GCNT2: variants seen among roughly 807,000 people sequenced by gnomAD.
GCNT2 encodes the protein N-acetyllactosaminide beta-1,6-N-acetylglucosaminyl-transferase.
In GCNT2, 34 loss-of-function variants were observed where a neutral mutation model predicts 34.2. The ratio of observed to expected loss-of-function variants is 1.00; its 90% CI spans 0.76 to 1.32. The LOEUF (loss-of-function observed/expected upper bound fraction) is 1.32, where lower values mean the gene tolerates loss of function less well. Among genes scored for constraint, GCNT2 ranks in the 40% most tolerant of loss-of-function variants. The probability of loss-of-function intolerance (pLI) is 0.00; values close to 1 mark genes in which losing one functional copy is unlikely to be tolerated. For synonymous variants in GCNT2, 212 were observed against 188.0 expected (o/e 1.13, Z -1.04); for missense variants, 584 against 489.4 (o/e 1.19, Z -1.82).
intron 3 of GCNT2, among the ~76,000 whole-genome samples, chr6:10,571,387 A>T (rs1306253718): frequency 6.6e-6 from 1 of 152,106 alleles, no homozygotes; most frequent in African/African-American, 2.4e-5. Flanking sequence ...CGCTCTTGTT[A>T]CCCAGGCTGG....
In GCNT2 at chr6:10,586,279, T is replaced by C. The variant is rs1434520992; in HGVS notation, c.926-35072T>C. 5.0e-6 allele frequency: 8 copies of C among 1,614,076 alleles called. No homozygotes were observed. In the Admixed American group the frequency reaches 1.3e-4, roughly 27 times the overall value. The stretch of plus-strand genomic sequence containing the variant: ...TCGGAAGAAGAGGCTGCATTCCCTT[T>C]GGCCTATGTCATGGTCATCCATAAG... On this transcript the variant is annotated intron_variant, in intron 3 of 4. Transcript: ENST00000495262.
rs1764311235 is a variant in GCNT2 at position 10,585,703 on chromosome 6, A to ACTGGG, written c.926-35640_926-35636dup. On this transcript the variant is annotated intron_variant, in intron 3 of 4. Coordinates refer to ENST00000495262, the MANE Select transcript of GCNT2 (RefSeq NM_145649.5). ...AATGAGGAGGCTTCCTAGAGGCTGG[A>ACTGGG]CTGGGCTGGGCTTAGCTGAGCCTTT... The ACTGGG allele has an allele frequency of 2.6e-6, 3 of 1,171,312 alleles. No individual in the cohort carries two copies. The East Asian group carries it at 9.7e-5, about 38-fold the overall frequency. 72.6% of individuals were successfully genotyped at this position (1,171,312 alleles called of 1,614,324 possible). A position where few individuals can be genotyped will look rare whatever the true frequency, so the allele number is the denominator to read the frequency against.
intron 3 of GCNT2, among the ~76,000 whole-genome samples, chr6:10,563,410 A>G (rs13217333): frequency 0.24 from 36,374 of 152,040 alleles, 4,475 homozygotes; most frequent in East Asian, 0.32. Context: ...TAAGAAGGGG[A>G]CTGTTCCCAT....
chr6:10,582,363 AAT>A (rs1764137641), intron 3 of GCNT2, among the ~76,000 whole-genome samples: 1 of 113,514 alleles, frequency 8.8e-6, no homozygotes, highest in Admixed American at 1.1e-4. Flanking sequence ...TATTAAATAT[AAT>A]ATATACTATA....
chr6:10,563,772 AAAAAAATATATATATAT>A (rs1285356832), intron 3 of GCNT2, among the ~76,000 whole-genome samples: 81 of 59,130 alleles, frequency 1.4e-3, no homozygotes, highest in African/African-American at 5.2e-3. Flanking sequence ...AAAAAAAAAA[AAAAAAATATATATATAT>A]ATATATATAT....
chr6:10,605,258 C>G (rs1581474075), intron 3 of GCNT2, among the ~76,000 whole-genome samples: 1 of 143,676 alleles, frequency 7.0e-6, no homozygotes, highest in East Asian at 2.1e-4. Context: ...CTCTGCCACC[C>G]AGGCTGGAGT....
intron 3 of GCNT2, among the ~76,000 whole-genome samples, chr6:10,536,634 G>A (rs550031568): frequency 2.0e-5 from 3 of 151,686 alleles, no homozygotes; most frequent in East Asian, 1.9e-4. Context: ...GATTATAGGC[G>A]TGAGCTACCG....
intron 3 of GCNT2, among the ~76,000 whole-genome samples, chr6:10,543,966 G>C (rs1016024219): frequency 1.3e-5 from 2 of 152,074 alleles, no homozygotes; most frequent in Non-Finnish European, 2.9e-5. Flanking sequence ...TGTTAGTTTA[G>C]GTCTGTAACT....
At chr6:10,556,846 A>C in intron 3 of GCNT2, 1 of 1,614,162 alleles carries the variant, frequency 6.2e-7, no homozygotes, top group Non-Finnish European at 8.5e-7. Flanking sequence ...TAGAGCAACT[A>C]TTAAGCTGCT....
chr6:10,615,921 C>G lies in GCNT2; in HGVS notation c.926-5430C>G, dbSNP rs115048383. ...TTTTGGGCGGCTCCTTTACTGCAAA[C>G]TGTTTATATCAGCAAGGTCTTTATG... On this transcript the variant is annotated intron_variant, in intron 3 of 4. Transcript: ENST00000495262. 5.6e-3 allele frequency among the ~76,000 whole-genome samples: 857 copies of G among 152,316 alleles called. 7 individuals are homozygous for G. The highest frequency in any genetic ancestry group is 0.019 in the African/African-American group (793 of 41,564).
At chr6:10,569,010 T>C (rs1426540683) in intron 3 of GCNT2, among the ~76,000 whole-genome samples, 2 of 152,170 alleles carry the variant, frequency 1.3e-5, no homozygotes, top group African/African-American at 4.8e-5. Flanking sequence ...TGCATTATCA[T>C]TATTAATGTG....
chr6:10,538,368 A>ATT (rs1761868304), intron 3 of GCNT2, among the ~76,000 whole-genome samples: 1 of 131,262 alleles, frequency 7.6e-6, no homozygotes, highest in Non-Finnish European at 1.6e-5. Context: ...AGATCGCACC[A>ATT]TTGCACTCTG....
chr6:10,573,089 C>G (rs1180490517), intron 3 of GCNT2: 1 of 615,546 alleles, frequency 1.6e-6, no homozygotes, highest in African/African-American at 2.0e-5. Flanking sequence ...AAATCACTGC[C>G]TATCTCTATT....
intron 3 of GCNT2, among the ~76,000 whole-genome samples, chr6:10,585,005 A>C (rs1764277783): frequency 6.8e-6 from 1 of 146,116 alleles, no homozygotes; most frequent in Admixed American, 6.9e-5. Context: ...CCAAGGGTGT[A>C]ATTCTTTGTT....
chr6:10,575,776 A>G (rs1763780675), intron 3 of GCNT2, among the ~76,000 whole-genome samples: 1 of 152,124 alleles, frequency 6.6e-6, no homozygotes. Flanking sequence ...CCTTGCCTTG[A>G]GTGATGACAT....
At chr6:10,538,635 CT>C (rs1327597171) in intron 3 of GCNT2, among the ~76,000 whole-genome samples, 5 of 150,996 alleles carry the variant, frequency 3.3e-5, no homozygotes, top group African/African-American at 4.9e-5. Context: ...ATGATTTTGA[CT>C]TTTTTTTGAG....
chr6:10,538,437 A>AAAAAAAAAATATATATATATATAT (rs1554127249), intron 3 of GCNT2, among the ~76,000 whole-genome samples: 1 of 73,356 alleles, frequency 1.4e-5, no homozygotes, highest in African/African-American at 1.2e-4. Context: ...AAAAAAAAAA[A>AAAAAAAAAATATATATATATATAT]ATATATATAT....
chr6:10,549,757 A>G (rs1762411658), intron 3 of GCNT2, among the ~76,000 whole-genome samples: 1 of 151,634 alleles, frequency 6.6e-6, no homozygotes, highest in South Asian at 2.1e-4. Flanking sequence ...TCAGCTTATG[A>G]CCACTACTCA....
intron 3 of GCNT2, among the ~76,000 whole-genome samples, chr6:10,566,664 G>A (rs1763296689): frequency 1.3e-5 from 2 of 152,236 alleles, no homozygotes; most frequent in Admixed American, 6.5e-5. Context: ...GGCAGCAGCT[G>A]CACGGGCCTA....
Sources: gnomAD v4.1 joint callset for allele counts (sites outside exome capture counted in the v4.1 genomes callset) on GRCh38, gnomAD v4.1.1 for gene constraint, MANE v1.5 for transcripts, NCBI Gene and HGNC (gene_info 2026-07-23, HGNC 2026-07-21) for gene names.